PLEK2: variants seen among roughly 807,000 people sequenced by gnomAD.
PLEK2 encodes the protein pleckstrin-2.
Under a neutral mutation model 43.8 loss-of-function variants are expected in PLEK2, and 29 were observed. That is an observed-to-expected ratio of 0.66 (90% CI 0.49 to 0.90). PLEK2 has a LOEUF of 0.90. Among genes scored for constraint, PLEK2 ranks in the 40% least tolerant of loss-of-function variants. PLEK2 has a pLI of 0.00. For synonymous variants in PLEK2, 162 were observed against 173.2 expected, an observed-to-expected ratio of 0.94 and a Z score of 0.51; for missense variants, 398 against 448.1, an observed-to-expected ratio of 0.89 and a Z score of 1.01.
chr14:67,408,383 T>C (rs1490874920), intron 1 of PLEK2, among the ~76,000 whole-genome samples: 1 of 151,270 alleles, frequency 6.6e-6, no homozygotes, highest in African/African-American at 2.4e-5. Context: ...GATGGGATGA[T>C]ACTTGCTATG....
intron 7 of PLEK2, among the ~76,000 whole-genome samples, chr14:67,389,973 A>G (rs10144122): frequency 0.31 from 47,228 of 151,786 alleles, 11,260 homozygotes; most frequent in African/African-American, 0.64. Flanking sequence ...GGGTCCAGGC[A>G]GGGGTTCCTG....
intron 6 of PLEK2, 63 bp from the exon 7 acceptor site, chr14:67,390,809 T>C (rs1459113437): frequency 1.7e-6 from 2 of 1,153,060 alleles, no homozygotes; most frequent in African/African-American, 3.0e-5. Context: ...CTCCTGTATC[T>C]ATGCATGTAA....
chr14:67,397,635 A>C, intron 2 of PLEK2, 27 bp downstream of exon 2: 1 of 1,590,226 alleles, frequency 6.3e-7, no homozygotes, highest in Non-Finnish European at 8.6e-7. Flanking sequence ...AACAGAGAGG[A>C]GCTGGACAGC....
intron 1 of PLEK2, among the ~76,000 whole-genome samples, chr14:67,407,246 C>G (rs768770572): frequency 6.6e-6 from 1 of 151,956 alleles, no homozygotes; most frequent in African/African-American, 2.4e-5. Context: ...CTCAGCCTCC[C>G]GAGTAGCTGG....
At chr14:67,392,482 T>C in intron 5 of PLEK2, 55 bp from the exon 6 acceptor site, 1 of 1,398,200 alleles carries the variant, frequency 7.2e-7, no homozygotes, top group Admixed American at 1.7e-5. Context: ...AGGCCCAGGC[T>C]ATGGCGGCTG....
intron 1 of PLEK2, among the ~76,000 whole-genome samples, chr14:67,398,319 G>C (rs907980811): frequency 1.3e-5 from 2 of 151,970 alleles, no homozygotes; most frequent in Non-Finnish European, 2.9e-5. Context: ...CCCTTTCCTG[G>C]ACTCAAGTGA....
chr14:67,399,802 T>C (rs1001298100), intron 1 of PLEK2, among the ~76,000 whole-genome samples: 1 of 152,214 alleles, frequency 6.6e-6, no homozygotes, highest in Non-Finnish European at 1.5e-5. Context: ...ATGGGCAGAA[T>C]AGTCAGGTGA....
intron 1 of PLEK2, among the ~76,000 whole-genome samples, chr14:67,406,595 G>A (rs114412598): frequency 0.024 from 3,655 of 152,262 alleles, 64 homozygotes; most frequent in African/African-American, 0.044. Flanking sequence ...GGAGTCCTTG[G>A]AGGATTTTAA....
intron 2 of PLEK2, among the ~76,000 whole-genome samples, chr14:67,396,188 C>T (rs903543905): frequency 7.2e-5 from 11 of 151,950 alleles, no homozygotes; most frequent in Non-Finnish European, 1.6e-4. Flanking sequence ...TGCTCTGTCG[C>T]CCAGGCTGGA....
chr14:67,404,528 A>C (rs2086067163), intron 1 of PLEK2, among the ~76,000 whole-genome samples: 1 of 152,042 alleles, frequency 6.6e-6, no homozygotes, highest in Non-Finnish European at 1.5e-5. Flanking sequence ...TAAAATTTCG[A>C]GTTGGGTGTG....
At chr14:67,390,624 A>ACAACATGGGAC in intron 7 of PLEK2, 39 bp downstream of exon 7, 1 of 1,425,146 alleles carries the variant, frequency 7.0e-7, no homozygotes, top group Non-Finnish European at 9.9e-7. Flanking sequence ...TGGGGGCATC[A>ACAACATGGGAC]CAACATGGGA....
intron 1 of PLEK2, 74 bp downstream of exon 1, chr14:67,411,944 T>C (rs939749036): frequency 2.2e-6 from 3 of 1,359,718 alleles, no homozygotes; most frequent in African/African-American, 3.0e-5. Flanking sequence ...GGGGCGCGCG[T>C]CTGGCCCCGC....
chr14:67,388,344 C>T (rs375936924), intron 7 of PLEK2, 42 bp from the exon 8 acceptor site: 5 of 1,265,368 alleles, frequency 4.0e-6, no homozygotes, highest in East Asian at 2.3e-5. Flanking sequence ...TGTGAATGAA[C>T]AAAAGGGAAG....
At chr14:67,402,514 C>T (rs2086055329) in intron 1 of PLEK2, among the ~76,000 whole-genome samples, 2 of 151,992 alleles carry the variant, frequency 1.3e-5, no homozygotes, top group African/African-American at 4.8e-5. Flanking sequence ...AATAGTAAGT[C>T]TTTCTCATTC....
chr14:67,407,944 C>T (rs2086090284), intron 1 of PLEK2, among the ~76,000 whole-genome samples: 1 of 152,010 alleles, frequency 6.6e-6, no homozygotes, highest in African/African-American at 2.4e-5. Context: ...GTGAACAGTC[C>T]CTGTGCTCCA....
At chr14:67,389,233 G>A (rs899739703) in intron 7 of PLEK2, among the ~76,000 whole-genome samples, 8 of 151,998 alleles carry the variant, frequency 5.3e-5, no homozygotes, top group African/African-American at 1.9e-4. Context: ...ATAAAATACT[G>A]GAAATATTTG....
intron 4 of PLEK2, 83 bp from the exon 5 acceptor site, chr14:67,392,932 G>T: frequency 8.4e-7 from 1 of 1,197,418 alleles, no homozygotes. Context: ...ACTGACCTTG[G>T]CCCTCTGGGC....
At chr14:67,391,075 G>A (rs1413522604) in intron 6 of PLEK2, among the ~76,000 whole-genome samples, 1 of 152,168 alleles carries the variant, frequency 6.6e-6, no homozygotes, top group Non-Finnish European at 1.5e-5. Context: ...TGGGCTGGGA[G>A]CACACAGGCA....
At chr14:67,396,340 G>T (rs2086009374) in intron 2 of PLEK2, among the ~76,000 whole-genome samples, 1 of 151,238 alleles carries the variant, frequency 6.6e-6, no homozygotes, top group South Asian at 2.1e-4. Context: ...TAGAGACGGG[G>T]TTTCACCATG....
Sources: gnomAD v4.1 joint callset for allele counts (sites outside exome capture counted in the v4.1 genomes callset) on GRCh38, gnomAD v4.1.1 for gene constraint, MANE v1.5 for transcripts, NCBI Gene and HGNC (gene_info 2026-07-23, HGNC 2026-07-21) for gene names.